Variants in LINGO2 observed in about 807,000 individuals in gnomAD.
The protein encoded by LINGO2 is leucine rich repeat and Ig domain containing 2.
In LINGO2, 14 loss-of-function variants were observed where a neutral mutation model predicts 30.6. The observed-to-expected ratio is 0.46, with a 90% CI of 0.30 to 0.72. The LOEUF (loss-of-function observed/expected upper bound fraction) is 0.72, where lower values mean the gene tolerates loss of function less well. Ranked by LOEUF, LINGO2 falls within the 30% of genes least tolerant of loss-of-function variation. The pLI is 0.07. For missense variants in LINGO2, 729 were observed against 751.7 expected (o/e 0.97, Z 0.35); for synonymous variants, 317 against 288.5 (o/e 1.10, Z -1.00).
intron 4 of LINGO2, among the ~76,000 whole-genome samples, chr9:28,020,004 C>T (rs188153540): frequency 8.0e-4 from 122 of 152,212 alleles, no homozygotes; most frequent in Admixed American, 1.7e-3. Context: ...TGAGACATTC[C>T]AGAGAGAAGC....
At chr9:27,998,859 A>T (rs1038130470) in intron 5 of LINGO2, among the ~76,000 whole-genome samples, 1 of 152,172 alleles carries the variant, frequency 6.6e-6, no homozygotes, top group Non-Finnish European at 1.5e-5. Context: ...CTGCCACAGC[A>T]TGAGAGAGAA....
intron 5 of LINGO2, among the ~76,000 whole-genome samples, chr9:27,954,356 A>G: frequency 6.6e-6 from 1 of 152,158 alleles, no homozygotes. Context: ...GATCTTGGCC[A>G]CAGTTCCCAG....
intron 2 of LINGO2, among the ~76,000 whole-genome samples, chr9:28,417,039 C>T (rs1365365964): frequency 6.6e-6 from 1 of 152,012 alleles, no homozygotes; most frequent in African/African-American, 2.4e-5. Context: ...TGTAACTGAC[C>T]TAGTGAATAA....
At chr9:28,105,516 A>T (rs917609239) in intron 4 of LINGO2, among the ~76,000 whole-genome samples, 1 of 152,180 alleles carries the variant, frequency 6.6e-6, no homozygotes, top group Non-Finnish European at 1.5e-5. Context: ...AAATTCAATA[A>T]GGTGATTAAA....
chr9:28,846,685 C>T, the LINGO2 span, among the ~76,000 whole-genome samples: 1 of 147,272 alleles, frequency 6.8e-6, no homozygotes, highest in Non-Finnish European at 1.5e-5. Flanking sequence ...GCTCCTGACC[C>T]AACAGTTCTA....
At chr9:28,044,357 C>T (rs1257076970) in intron 4 of LINGO2, among the ~76,000 whole-genome samples, 3 of 152,060 alleles carry the variant, frequency 2.0e-5, no homozygotes, top group African/African-American at 4.8e-5. Flanking sequence ...AACGTATTTC[C>T]CCATTAAATC....
chr9:28,238,947 A>C (rs1821678620), intron 4 of LINGO2, among the ~76,000 whole-genome samples: 1 of 152,082 alleles, frequency 6.6e-6, no homozygotes, highest in African/African-American at 2.4e-5. Context: ...ACCAGATATG[A>C]AAAAAGGAGT....
chr9:28,839,898 T>C, the LINGO2 span, among the ~76,000 whole-genome samples: 2 of 152,284 alleles, frequency 1.3e-5, no homozygotes, highest in Non-Finnish European at 2.9e-5. Flanking sequence ...AGGCTAGCAC[T>C]GAGCTTCCCT....
At chr9:28,809,332 G>T in the LINGO2 span, among the ~76,000 whole-genome samples, 3 of 152,184 alleles carry the variant, frequency 2.0e-5, no homozygotes, top group African/African-American at 7.2e-5. Flanking sequence ...TACAAATCAT[G>T]TCTCTTGCCA....
intron 1 of LINGO2, among the ~76,000 whole-genome samples, chr9:28,508,762 CTA>C (rs67688857): frequency 0.3 from 45,156 of 151,598 alleles, 6,767 homozygotes; most frequent in South Asian, 0.38. Flanking sequence ...GAAGAAAACT[CTA>C]TTTGTAGAGT....
At chr9:28,562,805 C>T (rs985699439) in intron 1 of LINGO2, among the ~76,000 whole-genome samples, 3 of 152,060 alleles carry the variant, frequency 2.0e-5, no homozygotes, top group African/African-American at 7.2e-5. Flanking sequence ...TTAATCATTA[C>T]AAAAACTGTT....
At chr9:28,523,229 G>A (rs1048640077) in intron 1 of LINGO2, among the ~76,000 whole-genome samples, 5 of 151,650 alleles carry the variant, frequency 3.3e-5, no homozygotes, top group Admixed American at 2.0e-4. Flanking sequence ...GATCCTCTCA[G>A]TAGATTTAGA....
chr9:28,902,742 C>T, the LINGO2 span, among the ~76,000 whole-genome samples: 76 of 151,794 alleles, frequency 5.0e-4, no homozygotes, highest in Middle Eastern at 6.8e-3. Context: ...TCTTGGAAAA[C>T]GCAAAAATAC....
the LINGO2 span, among the ~76,000 whole-genome samples, chr9:29,047,411 T>G: frequency 6.6e-6 from 1 of 152,124 alleles, no homozygotes; most frequent in African/African-American, 2.4e-5. Context: ...TAGCAGTCTA[T>G]AAGAGAATGC....
intron 2 of LINGO2, among the ~76,000 whole-genome samples, chr9:28,392,341 C>A (rs1821873826): frequency 6.6e-6 from 1 of 152,118 alleles, no homozygotes; most frequent in Middle Eastern, 3.2e-3. Flanking sequence ...AAAGCAACAC[C>A]TTTACCCTGG....
chr9:27,981,930 A>G (rs1477823366), intron 5 of LINGO2, among the ~76,000 whole-genome samples: 1 of 151,870 alleles, frequency 6.6e-6, no homozygotes, highest in Admixed American at 6.6e-5. Flanking sequence ...TTTGAGGTTT[A>G]ATCAATAAAA....
chr9:29,159,457 C>A, the LINGO2 span, among the ~76,000 whole-genome samples: 31,032 of 152,096 alleles, frequency 0.2, 3,417 homozygotes, highest in East Asian at 0.37. Context: ...AGAAGTTATA[C>A]AAGTTTCCTA....
chr9:28,527,146 A>G (rs1349674967), intron 1 of LINGO2, among the ~76,000 whole-genome samples: 1 of 152,198 alleles, frequency 6.6e-6, no homozygotes, highest in African/African-American at 2.4e-5. Context: ...ATTATGTAGT[A>G]TAATCTTCTC....
the LINGO2 span, among the ~76,000 whole-genome samples, chr9:28,933,627 A>G: frequency 6.6e-6 from 1 of 152,164 alleles, no homozygotes; most frequent in Non-Finnish European, 1.5e-5. Context: ...GGACAAACAG[A>G]GCCAGGGAAG....
Sources: gnomAD v4.1 joint callset for allele counts (sites outside exome capture counted in the v4.1 genomes callset) on GRCh38, gnomAD v4.1.1 for gene constraint, MANE v1.5 for transcripts, NCBI Gene and HGNC (gene_info 2026-07-23, HGNC 2026-07-21) for gene names.